GNAI3: variants seen among roughly 807,000 people sequenced by gnomAD.
GNAI3 encodes the protein G protein subunit alpha i3.
A neutral mutation model predicts 41.8 loss-of-function variants in GNAI3; 12 were observed. The ratio of observed to expected loss-of-function variants is 0.29; its 90% CI spans 0.18 to 0.47. The LOEUF (loss-of-function observed/expected upper bound fraction) is 0.47. Ranked by LOEUF, GNAI3 falls within the 20% of genes least tolerant of loss-of-function variation. The pLI is 1.00. For synonymous variants in GNAI3, 132 were observed against 146.5 expected (o/e 0.90, Z 0.71); for missense variants, 360 against 429.6 (o/e 0.84, Z 1.43).
chr1:109,582,620 G>A lies in GNAI3; in HGVS notation c.590+55G>A, dbSNP rs1648923762. ...CCAAATACAAGTATCTTTCATTTTA[G>A]TTTACCATCTCTTAATCAGGGTAAA... On this transcript the variant is annotated intron_variant, in intron 5 of 8. Transcript: ENST00000369851. The A allele has an allele frequency of 2.0e-5, 27 of 1,318,084 alleles. 1 individual carries two copies. Among genetic ancestry groups the A allele is most frequent in the South Asian group, 1.9e-4 (16 of 83,822 alleles). 81.6% of individuals were successfully genotyped at this position (1,318,084 alleles called of 1,614,324 possible).
intron 3 of GNAI3, among the ~76,000 whole-genome samples, chr1:109,575,340 A>T (rs939096324): frequency 1.3e-5 from 2 of 151,462 alleles, no homozygotes; most frequent in Non-Finnish European, 2.9e-5. Context: ...CCTATCACCT[A>T]ACTCTACTTC....
At chr1:109,576,979 T>A (rs1164701591) in intron 3 of GNAI3, among the ~76,000 whole-genome samples, 1 of 151,264 alleles carries the variant, frequency 6.6e-6, no homozygotes, top group Non-Finnish European at 1.5e-5. Flanking sequence ...TCCCTCTCTT[T>A]TGAAGTTTCT....
At chr1:109,575,772 C>T (rs1366091154) in intron 3 of GNAI3, among the ~76,000 whole-genome samples, 8 of 151,930 alleles carry the variant, frequency 5.3e-5, no homozygotes, top group African/African-American at 1.9e-4. Flanking sequence ...CCTTGTGATC[C>T]GCCCGCCTCG....
In GNAI3 at chr1:109,599,739, T is replaced by C. The variant is rs567671957; in HGVS notation, c.*7417T>C. The C allele has an allele frequency of 3.3e-5, 5 of 152,342 alleles. No homozygotes were observed. In the East Asian group the frequency reaches 9.6e-4, roughly 29 times the overall value. 9.4% of individuals were successfully genotyped at this position (152,342 alleles called of 1,614,324 possible). On this transcript the variant is annotated 3_prime_UTR_variant, in exon 9 of 9. Coordinates refer to ENST00000369851, the MANE Select transcript of GNAI3 (RefSeq NM_006496.4). The stretch of plus-strand genomic sequence containing the variant: ...GCTGTTTTCATATTCTATTTTGAGA[T>C]CTATTTGTCTTAGCTTGGAGGTGGT...
chr1:109,588,948 T>G (rs920304862), intron 7 of GNAI3, among the ~76,000 whole-genome samples: 3 of 152,124 alleles, frequency 2.0e-5, no homozygotes, highest in African/African-American at 7.2e-5. Flanking sequence ...GGTAAGGAAG[T>G]GGGAAGAGTC....
rs928585394 is a variant in GNAI3 at position 109,594,344 on chromosome 1, A to C, written c.*2022A>C. On this transcript the variant is annotated 3_prime_UTR_variant, in exon 9 of 9. Coordinates refer to ENST00000369851, the MANE Select transcript of GNAI3 (RefSeq NM_006496.4). ...TCTAAAATAACCAATAATCCAAAAAAGTTCATTTTACTTTGAATTTGTATT... is the reference window on the plus strand; with the variant it reads ...TCTAAAATAACCAATAATCCAAAAACGTTCATTTTACTTTGAATTTGTATT... The C allele has an allele frequency of 6.6e-6, 1 of 152,230 alleles. No individual in the cohort carries two copies. The highest frequency in any genetic ancestry group is 1.5e-5 in the Non-Finnish European group (1 of 68,032). The allele number at this position is 152,230 out of a possible 1,614,324, so 9.4% of individuals were successfully genotyped here.
At chr1:109,556,880 A>T (rs1571147481) in intron 1 of GNAI3, among the ~76,000 whole-genome samples, 1 of 152,038 alleles carries the variant, frequency 6.6e-6, no homozygotes, top group African/African-American at 2.4e-5. Context: ...TTAATATTTT[A>T]TTTTTCTTAG....
chr1:109,596,536 T>C lies in GNAI3; in HGVS notation c.*4214T>C, dbSNP rs184059038. On this transcript the variant is annotated 3_prime_UTR_variant, in exon 9 of 9. Coordinates refer to ENST00000369851, the MANE Select transcript of GNAI3 (RefSeq NM_006496.4). ...ATCTGGCTAACTTTTGTATTTCTAG[T>C]AGAGACAGGGTTTCACCATGTTAGC... 1 of 152,352 alleles carries C rather than the reference T, an allele frequency of 6.6e-6. No homozygotes were observed. Among genetic ancestry groups the C allele is most frequent in the Admixed American group, 6.5e-5 (1 of 15,308 alleles). The allele number at this position is 152,352 out of a possible 1,614,324, so 9.4% of individuals were successfully genotyped here. A position where few individuals can be genotyped will look rare whatever the true frequency, so the allele number is the denominator to read the frequency against.
At chr1:109,560,885 G>A (rs575883651) in intron 1 of GNAI3, among the ~76,000 whole-genome samples, 1 of 152,310 alleles carries the variant, frequency 6.6e-6, no homozygotes, top group South Asian at 2.1e-4. Flanking sequence ...GTGAAAGTGA[G>A]TTTTGCCTAG....
At chr1:109,568,271 G>A (rs997372688) in intron 1 of GNAI3, among the ~76,000 whole-genome samples, 5 of 151,956 alleles carry the variant, frequency 3.3e-5, no homozygotes, top group Non-Finnish European at 5.9e-5. Flanking sequence ...GCAGTGGCTC[G>A]CCCCTGTAAT....
At chr1:109,581,476 A>G (rs1353335143) in intron 4 of GNAI3, among the ~76,000 whole-genome samples, 1 of 152,186 alleles carries the variant, frequency 6.6e-6, no homozygotes, top group East Asian at 1.9e-4. Flanking sequence ...TTGATATTAT[A>G]CAGTACACAG....
chr1:109,569,519 G>A (rs1326494926), intron 1 of GNAI3, among the ~76,000 whole-genome samples: 1 of 152,146 alleles, frequency 6.6e-6, no homozygotes, highest in African/African-American at 2.4e-5. Context: ...AGCAGCTTGG[G>A]GAAAACGCAA....
chr1:109,586,163 G>A (rs1411990751), intron 5 of GNAI3, 53 bp from the exon 6 acceptor site: 5 of 1,529,972 alleles, frequency 3.3e-6, no homozygotes, highest in East Asian at 2.4e-5. Flanking sequence ...TTTCAGTTTA[G>A]GGGAAGGTGT....
intron 3 of GNAI3, 93 bp from the exon 4 acceptor site, chr1:109,579,106 TTAACA>T: frequency 1.0e-6 from 1 of 970,136 alleles, no homozygotes. Flanking sequence ...AACACCTCTT[TTAACA>T]TAACATGTAA....
At chr1:109,556,164 A>G (rs994555592) in intron 1 of GNAI3, among the ~76,000 whole-genome samples, 1 of 150,954 alleles carries the variant, frequency 6.6e-6, no homozygotes, top group Non-Finnish European at 1.5e-5. Context: ...CGATCCTCCC[A>G]TCTCGGCCTC....
At chr1:109,572,570 C>T (rs1648633714) in intron 1 of GNAI3, among the ~76,000 whole-genome samples, 1 of 151,986 alleles carries the variant, frequency 6.6e-6, no homozygotes, top group Admixed American at 6.6e-5. Flanking sequence ...AGCTGAAGGA[C>T]AGAATTGGAT....
chr1:109,586,704 C>T (rs773275765), intron 6 of GNAI3, 25 bp from the exon 7 acceptor site: 28 of 1,552,674 alleles, frequency 1.8e-5, no homozygotes, highest in Non-Finnish European at 2.5e-5. Flanking sequence ...TGCTACTGAC[C>T]TATCATCCTT....
chr1:109,566,659 T>C (rs1648462975), intron 1 of GNAI3, among the ~76,000 whole-genome samples: 1 of 152,168 alleles, frequency 6.6e-6, no homozygotes. Flanking sequence ...CCTCCTGGAT[T>C]CAAGCGATTC....
intron 1 of GNAI3, among the ~76,000 whole-genome samples, chr1:109,560,780 C>A (rs1203896660): frequency 6.6e-6 from 1 of 152,146 alleles, no homozygotes; most frequent in African/African-American, 2.4e-5. Context: ...AACTCCTGGG[C>A]TCAAGTGATC....
Sources: allele counts gnomAD v4.1 joint callset (sites outside exome capture counted in the v4.1 genomes callset), GRCh38; gene constraint gnomAD v4.1.1; transcripts MANE v1.5; gene names NCBI Gene and HGNC (gene_info 2026-07-23, HGNC 2026-07-21).